FOXN3: variants seen among roughly 807,000 people sequenced by gnomAD.
FOXN3 encodes forkhead box protein N3.
A neutral mutation model predicts 38.4 loss-of-function variants in FOXN3; 7 were observed. The observed-to-expected ratio is 0.18, with a 90% CI of 0.10 to 0.34. FOXN3 has a LOEUF of 0.34. FOXN3 is among the 10% of genes least tolerant of loss of function. FOXN3 has a pLI of 1.00. For synonymous variants in FOXN3, 230 were observed against 242.2 expected (o/e 0.95, Z 0.47); for missense variants, 456 against 613.4 (o/e 0.74, Z 2.71).
chr14:89,506,932 CTCGTTAAGAG>C (rs1342411422), intron 1 of FOXN3, among the ~76,000 whole-genome samples: 1 of 152,058 alleles, frequency 6.6e-6, no homozygotes, highest in African/African-American at 2.4e-5. Flanking sequence ...AGGCAGCATG[CTCGTTAAGAG>C]TCATCGCCAC....
chr14:89,400,246 CA>C (rs1891210896), intron 2 of FOXN3: 1 of 152,166 alleles, frequency 6.6e-6, no homozygotes, highest in African/African-American at 2.4e-5. Flanking sequence ...ATTTCCTAGT[CA>C]AACACTAATG....
rs543580330 is a variant in FOXN3, at chr14:89,214,119, T to C, written c.746-33313A>G. Reference sequence around the variant, plus strand: ...GCCTTCTCTCTCAACTTTGATGATATATCTTTTTTGTTTGTTTGTTTAAAA... The same window carrying C: ...GCCTTCTCTCTCAACTTTGATGATACATCTTTTTTGTTTGTTTGTTTAAAA... On this transcript the variant is annotated intron_variant, in intron 4 of 5. Transcript: ENST00000557258. Among the ~76,000 whole-genome samples the C allele has an allele frequency of 1.4e-4, 21 of 152,308 alleles. No individual in the cohort carries two copies. In the East Asian group the frequency reaches 2.3e-3, roughly 17 times the overall value.
intron 4 of FOXN3, among the ~76,000 whole-genome samples, chr14:89,203,847 G>GGTAAC (rs1888300527): frequency 6.6e-6 from 1 of 152,080 alleles, no homozygotes; most frequent in African/African-American, 2.4e-5. Context: ...AAGGGAAGCT[G>GGTAAC]GTAACGAGCC....
At chr14:89,617,988 CAG>C (rs1291270892) in intron 1 of FOXN3, among the ~76,000 whole-genome samples, 3 of 152,164 alleles carry the variant, frequency 2.0e-5, no homozygotes, top group Non-Finnish European at 4.4e-5. Context: ...CTCTCCAAGG[CAG>C]AGTCGGCGAT....
At chr14:89,601,023 A>G (rs1391527485) in intron 1 of FOXN3, among the ~76,000 whole-genome samples, 2 of 152,206 alleles carry the variant, frequency 1.3e-5, no homozygotes, top group African/African-American at 2.4e-5. Flanking sequence ...TGAGAGAGCT[A>G]GATTTGCCTC....
At chr14:89,201,827 T>C (rs905635838) in intron 4 of FOXN3, among the ~76,000 whole-genome samples, 1 of 152,320 alleles carries the variant, frequency 6.6e-6, no homozygotes, top group South Asian at 2.1e-4. Flanking sequence ...CTTCCTCCTC[T>C]AGTAAAAGGG....
chr14:89,274,679 T>G (rs747595849), intron 4 of FOXN3, among the ~76,000 whole-genome samples: 1 of 152,228 alleles, frequency 6.6e-6, no homozygotes. Flanking sequence ...AAGCTATATG[T>G]GCACCTGCTG....
chr14:89,470,175 T>G (rs1419850942), intron 1 of FOXN3, among the ~76,000 whole-genome samples: 1 of 152,200 alleles, frequency 6.6e-6, no homozygotes, highest in Non-Finnish European at 1.5e-5. Flanking sequence ...GGAAGCTCAG[T>G]CCTACTTAGT....
intron 2 of FOXN3, among the ~76,000 whole-genome samples, chr14:89,389,194 T>G (rs1890869677): frequency 6.6e-6 from 1 of 152,184 alleles, no homozygotes; most frequent in Non-Finnish European, 1.5e-5. Context: ...TCTCTGATTC[T>G]TTCCTGCAAA....
At chr14:89,423,176 C>T (rs1221849691) in intron 1 of FOXN3, among the ~76,000 whole-genome samples, 1 of 152,204 alleles carries the variant, frequency 6.6e-6, no homozygotes, top group Non-Finnish European at 1.5e-5. Context: ...TAAGCAAACA[C>T]ACACACAGAG....
chr14:89,578,196 AAACT>A (rs1895673706), intron 1 of FOXN3, among the ~76,000 whole-genome samples: 1 of 152,228 alleles, frequency 6.6e-6, no homozygotes, highest in African/African-American at 2.4e-5. Context: ...ATTAAAGAAG[AAACT>A]AACTCTCTTT....
intron 3 of FOXN3, among the ~76,000 whole-genome samples, chr14:89,287,077 T>C (rs1858245872): frequency 6.6e-6 from 1 of 152,082 alleles, no homozygotes; most frequent in African/African-American, 2.4e-5. Flanking sequence ...CCGGGGGCAA[T>C]GTGTGAGAAT....
chr14:89,200,477 T>C (rs968135811), intron 4 of FOXN3, among the ~76,000 whole-genome samples: 3 of 152,162 alleles, frequency 2.0e-5, no homozygotes, highest in Admixed American at 6.5e-5. Context: ...AAGGTGGTGT[T>C]AGGATGGCCG....
intron 1 of FOXN3, among the ~76,000 whole-genome samples, chr14:89,469,936 T>C (rs115167317): frequency 0.017 from 2,514 of 152,356 alleles, 60 homozygotes; most frequent in African/African-American, 0.057. Flanking sequence ...AGGTGCGTTT[T>C]TTTAAAGAGG....
intron 3 of FOXN3, among the ~76,000 whole-genome samples, chr14:89,300,452 G>T (rs1268115176): frequency 2.6e-5 from 4 of 152,174 alleles, no homozygotes; most frequent in Non-Finnish European, 5.9e-5. Flanking sequence ...AGAGTGATGG[G>T]TTTACAGGCG....
At chr14:89,343,262 T>C (rs1459165015) in intron 3 of FOXN3, among the ~76,000 whole-genome samples, 1 of 152,200 alleles carries the variant, frequency 6.6e-6, no homozygotes, top group East Asian at 1.9e-4. Flanking sequence ...TTAAGGATTT[T>C]CTAATCTTCT....
chr14:89,165,139 C>A (rs1160154556), intron 5 of FOXN3, among the ~76,000 whole-genome samples: 3 of 152,180 alleles, frequency 2.0e-5, no homozygotes, highest in Admixed American at 1.3e-4. Flanking sequence ...AGAAGGGTCC[C>A]AGCTTGTGTC....
At chr14:89,458,800 C>T (rs775488916) in intron 1 of FOXN3, among the ~76,000 whole-genome samples, 11 of 152,128 alleles carry the variant, frequency 7.2e-5, no homozygotes, top group Non-Finnish European at 1.5e-4. Flanking sequence ...CAGTCAATCA[C>T]ACTCCAGCCA....
intron 4 of FOXN3, among the ~76,000 whole-genome samples, chr14:89,191,906 G>A (rs1260813552): frequency 2.0e-5 from 3 of 147,564 alleles, no homozygotes; most frequent in Non-Finnish European, 4.5e-5. Flanking sequence ...GCAACCCTAG[G>A]GGTGAAATTC....
Sources: allele counts gnomAD v4.1 joint callset (sites outside exome capture counted in the v4.1 genomes callset), GRCh38; gene constraint gnomAD v4.1.1; transcripts MANE v1.5; gene names NCBI Gene and HGNC (gene_info 2026-07-23, HGNC 2026-07-21).